RHBDD1: variants seen among roughly 807,000 people sequenced by gnomAD.
RHBDD1 encodes the protein rhomboid-related protein 4.
Under a neutral mutation model 36.3 loss-of-function variants are expected in RHBDD1, and 38 were observed. The observed-to-expected ratio is 1.05, with a 90% CI of 0.81 to 1.37. The LOEUF (loss-of-function observed/expected upper bound fraction) is 1.37. RHBDD1 is among the 40% of genes most tolerant of loss of function. The pLI, the probability that RHBDD1 is intolerant of heterozygous loss-of-function variation, is 0.00. For missense variants in RHBDD1, 393 were observed against 377.6 expected, an observed-to-expected ratio of 1.04 and a Z score of -0.34; for synonymous variants, 151 against 136.5, an observed-to-expected ratio of 1.11 and a Z score of -0.74.
At chr2:226,877,992 T>A (rs73085813) in intron 5 of RHBDD1, among the ~76,000 whole-genome samples, 7,557 of 152,216 alleles carry the variant, frequency 0.05, 587 homozygotes, top group African/African-American at 0.17. Flanking sequence ...AAAGGGCAGA[T>A]CATGTCTTAA....
chr2:226,824,335 A>AC, the RHBDD1 span, among the ~76,000 whole-genome samples: 2 of 152,172 alleles, frequency 1.3e-5, no homozygotes, highest in Non-Finnish European at 1.5e-5. Flanking sequence ...GTAGGATTGG[A>AC]CATCCACTTA....
intron 5 of RHBDD1, among the ~76,000 whole-genome samples, chr2:226,887,957 G>T (rs565838961): frequency 1.2e-4 from 19 of 152,180 alleles, no homozygotes; most frequent in Non-Finnish European, 2.5e-4. Context: ...GATACAACAC[G>T]TATGCAGATG....
chr2:226,843,909 T>C (rs1372323381), intron 3 of RHBDD1, among the ~76,000 whole-genome samples: 1 of 152,132 alleles, frequency 6.6e-6, no homozygotes, highest in African/African-American at 2.4e-5. Context: ...GGTCCTGGGC[T>C]TTTTTTGGTT....
At chr2:226,865,215 A>C (rs1944226372) in intron 4 of RHBDD1, 89 bp downstream of exon 4, 10 of 1,018,632 alleles carry the variant, frequency 9.8e-6, no homozygotes, top group Non-Finnish European at 1.5e-5. Flanking sequence ...GGTCCCTATC[A>C]AATTCTGAGT....
chr2:226,900,754 G>T (rs1947518430), intron 5 of RHBDD1, among the ~76,000 whole-genome samples: 1 of 152,120 alleles, frequency 6.6e-6, no homozygotes, highest in Admixed American at 6.5e-5. Flanking sequence ...ACAAATAAAT[G>T]TTGTATATGT....
chr2:226,978,110 G>A (rs1323784718), intron 8 of RHBDD1, among the ~76,000 whole-genome samples: 1 of 152,124 alleles, frequency 6.6e-6, no homozygotes, highest in Non-Finnish European at 1.5e-5. Context: ...CTGAAAACAG[G>A]TCTAGGCCTT....
the RHBDD1 span, among the ~76,000 whole-genome samples, chr2:226,812,328 G>A: frequency 1.3e-5 from 2 of 152,190 alleles, no homozygotes; most frequent in Admixed American, 6.5e-5. Flanking sequence ...TTCTTCTGAG[G>A]GCAGCTGAAC....
the RHBDD1 span, among the ~76,000 whole-genome samples, chr2:226,829,656 A>G: frequency 5.3e-5 from 8 of 152,246 alleles, no homozygotes; most frequent in South Asian, 1.7e-3. Flanking sequence ...TCAGACTGCT[A>G]ATTTGTGGTG....
the RHBDD1 span, among the ~76,000 whole-genome samples, chr2:226,822,081 C>T: frequency 6.6e-6 from 1 of 152,214 alleles, no homozygotes; most frequent in Admixed American, 6.5e-5. Context: ...CTTTCTTGCT[C>T]ATTGTAAGTC....
chr2:226,855,839 T>C (rs1366562682), intron 3 of RHBDD1, among the ~76,000 whole-genome samples: 1 of 152,194 alleles, frequency 6.6e-6, no homozygotes, highest in African/African-American at 2.4e-5. Flanking sequence ...TTGATTCCAG[T>C]TTTTATTTTA....
the RHBDD1 span, among the ~76,000 whole-genome samples, chr2:226,830,127 T>C: frequency 6.6e-6 from 1 of 152,200 alleles, no homozygotes; most frequent in South Asian, 2.1e-4. Context: ...ATGTTTGTGT[T>C]GCTCCAAAAT....
chr2:226,805,534 G>A, the RHBDD1 span, among the ~76,000 whole-genome samples: 5 of 152,222 alleles, frequency 3.3e-5, no homozygotes, highest in African/African-American at 7.2e-5. Flanking sequence ...TATTTGAAGA[G>A]CCAAGTGTTA....
intron 8 of RHBDD1, among the ~76,000 whole-genome samples, chr2:226,931,871 T>C (rs1206872048): frequency 5.3e-5 from 6 of 114,068 alleles, no homozygotes; most frequent in Non-Finnish European, 1.1e-4. Context: ...TGATATCTAC[T>C]GAAAAAAAAA....
chr2:226,816,229 G>A, the RHBDD1 span, among the ~76,000 whole-genome samples: 1 of 152,132 alleles, frequency 6.6e-6, no homozygotes, highest in East Asian at 1.9e-4. Context: ...TGCTGACTTA[G>A]GCTAGGCAGT....
intron 5 of RHBDD1, among the ~76,000 whole-genome samples, chr2:226,900,546 TATA>T (rs1213929863): frequency 1.3e-5 from 2 of 152,192 alleles, no homozygotes; most frequent in Non-Finnish European, 2.9e-5. Context: ...AATTTTAGGA[TATA>T]ATAATATATT....
At chr2:226,915,546 CG>C (rs1296425344) in intron 8 of RHBDD1, among the ~76,000 whole-genome samples, 1 of 152,038 alleles carries the variant, frequency 6.6e-6, no homozygotes, top group African/African-American at 2.4e-5. Flanking sequence ...AGTCATTCTG[CG>C]AAGAAGATTG....
chr2:226,863,329 A>G (rs1270577977), intron 3 of RHBDD1, among the ~76,000 whole-genome samples: 1 of 152,234 alleles, frequency 6.6e-6, no homozygotes, highest in Non-Finnish European at 1.5e-5. Flanking sequence ...ACAGAGTGAG[A>G]TTCTGGCTCT....
At chr2:226,803,874 G>A in the RHBDD1 span, among the ~76,000 whole-genome samples, 2 of 152,210 alleles carry the variant, frequency 1.3e-5, no homozygotes, top group African/African-American at 2.4e-5. Context: ...TCAAACCCGA[G>A]GATCTTGTTA....
At chr2:226,945,123 C>G (rs1311787503) in intron 8 of RHBDD1, among the ~76,000 whole-genome samples, 1 of 149,906 alleles carries the variant, frequency 6.7e-6, no homozygotes, top group African/African-American at 2.5e-5. Context: ...ATCCTGAGGA[C>G]AGTGGAAACA....
Sources: gnomAD v4.1 joint callset for allele counts (sites outside exome capture counted in the v4.1 genomes callset) on GRCh38, gnomAD v4.1.1 for gene constraint, MANE v1.5 for transcripts, NCBI Gene and HGNC (gene_info 2026-07-23, HGNC 2026-07-21) for gene names.